ODAD2: variants seen among roughly 807,000 people sequenced by gnomAD.
ODAD2 encodes the protein outer dynein arm-docking complex subunit 2.
A neutral mutation model predicts 106.8 loss-of-function variants in ODAD2; 89 were observed. That is an observed-to-expected ratio of 0.83 (90% CI 0.70 to 0.99). ODAD2 has a LOEUF of 0.99. ODAD2 is among the 50% of genes least tolerant of loss of function. The pLI is 0.00. For synonymous variants in ODAD2, 404 were observed against 436.2 expected (o/e 0.93, Z 0.92); for missense variants, 1,168 against 1,238.5 (o/e 0.94, Z 0.85).
chr10:27,867,327 C>T (rs1183187092), intron 17 of ODAD2, among the ~76,000 whole-genome samples: 1 of 152,152 alleles, frequency 6.6e-6, no homozygotes, highest in Non-Finnish European at 1.5e-5. Flanking sequence ...GATAAGACTA[C>T]AATGCCACAA....
In ODAD2 at chr10:27,909,796, C is replaced by G. The variant is rs1020664781; in HGVS notation, c.2496-2019G>C. 8.6e-5 allele frequency among the ~76,000 whole-genome samples: 10 copies of G among 115,988 alleles called. No homozygotes were observed. In the East Asian group the frequency reaches 2.6e-3, roughly 30 times the overall value. 76.1% of individuals were successfully genotyped at this position (115,988 alleles called of 152,430 possible). ...TTGCACCACTGCACTCCAGCTTGGG[C>G]GACAAAGTGAGTCTTCATTTGAAAA... On this transcript the variant is annotated intron_variant, in intron 16 of 19. Coordinates refer to ENST00000305242, the MANE Select transcript of ODAD2 (RefSeq NM_018076.5).
chr10:27,919,344 C>T lies in ODAD2; in HGVS notation c.2496-11567G>A, dbSNP rs571599370. Among the ~76,000 whole-genome samples, 118 of 152,092 alleles carry T rather than the reference C, an allele frequency of 7.8e-4. 1 individual carries two copies. The highest frequency in any genetic ancestry group is 2.8e-3 in the African/African-American group (115 of 41,544). ...CCTTAAAGGACAACCGAAAAATTGA[C>T]CTTCCTCATATTAAAGGTTTCTGCT... On this transcript the variant is annotated intron_variant, in intron 16 of 19. Transcript: ENST00000305242.
At position 27,860,783 on chromosome 10, in the gene ODAD2, T is replaced by TC; in HGVS notation, c.2862dup (p.Asn955GlufsTer2). On this transcript the variant is annotated frameshift_variant, in exon 19 of 20. Coordinates refer to ENST00000305242, the MANE Select transcript of ODAD2 (RefSeq NM_018076.5). LOFTEE classifies it high-confidence loss of function. Reference sequence around the variant, plus strand: ...TTGTGCTCACCGAAGGCCACTCTATTCCTGCCCCACATACAGCAACGTGAA... The same window carrying TC: ...TTGTGCTCACCGAAGGCCACTCTATTCCCTGCCCCACATACAGCAACGTGAA... 1 of 1,614,170 alleles carries TC rather than the reference T, an allele frequency of 6.2e-7. No homozygotes were observed. Among genetic ancestry groups the TC allele is most frequent in the Non-Finnish European group, 8.5e-7 (1 of 1,180,018 alleles).
At chr10:27,858,928 C>T (rs912726918) in intron 19 of ODAD2, among the ~76,000 whole-genome samples, 7 of 151,820 alleles carry the variant, frequency 4.6e-5, no homozygotes, top group African/African-American at 9.7e-5. Flanking sequence ...CTCAGCCTCC[C>T]GAGTAGCTGG....
chr10:27,858,653 GC>G (rs56137930), intron 19 of ODAD2, among the ~76,000 whole-genome samples: 109,679 of 151,966 alleles, frequency 0.72, 40,219 homozygotes, highest in Non-Finnish European at 0.8. Flanking sequence ...GTGTGGGTGG[GC>G]CAAACACAGT....
intron 17 of ODAD2, among the ~76,000 whole-genome samples, chr10:27,876,398 G>C (rs1286984377): frequency 6.6e-6 from 1 of 152,218 alleles, no homozygotes; most frequent in Non-Finnish European, 1.5e-5. Context: ...AATATTCACT[G>C]TTCTGCAGCC....
chr10:27,968,104 G>A (rs1203834294), intron 9 of ODAD2, among the ~76,000 whole-genome samples: 1 of 151,584 alleles, frequency 6.6e-6, no homozygotes, highest in Non-Finnish European at 1.5e-5. Flanking sequence ...ATTTCAACAA[G>A]CTATATGAAC....
Position 27,971,093 on chromosome 10 carries a change from C to T in ODAD2, c.1142+15G>A, listed in dbSNP as rs374352757. 1.6e-5 allele frequency: 25 copies of T among 1,591,886 alleles called. No individual in the cohort carries two copies. In the Middle Eastern group the frequency reaches 5.0e-4, roughly 32 times the overall value. Reference sequence around the variant, plus strand: ...CTAATGCTGCATCTGAAAACAAATGCAAATATCTACATACCCTTTGTAATT... The same window carrying T: ...CTAATGCTGCATCTGAAAACAAATGTAAATATCTACATACCCTTTGTAATT... On this transcript the variant is annotated intron_variant, in intron 8 of 19. Transcript: ENST00000305242.
At chr10:27,953,772 T>C (rs1249738580) in intron 10 of ODAD2, among the ~76,000 whole-genome samples, 1 of 152,198 alleles carries the variant, frequency 6.6e-6, no homozygotes, top group Non-Finnish European at 1.5e-5. Flanking sequence ...TTTGCATGGC[T>C]TGAAGTTTCA....
At position 27,955,696 on chromosome 10, in the gene ODAD2, GGTGTGTGT is replaced by G. The variant is rs56731384; in HGVS notation, c.1386+5864_1386+5871del. Among the ~76,000 whole-genome samples the G allele has an allele frequency of 8.5e-3, 1,220 of 142,978 alleles. 9 individuals are homozygous for G. Among genetic ancestry groups the G allele is most frequent in the African/African-American group, 0.013 (476 of 37,978 alleles). The allele number at this position is 142,978 out of a possible 152,430, so 93.8% of individuals were successfully genotyped here. A position where few individuals can be genotyped will look rare whatever the true frequency, so the allele number is the denominator to read the frequency against. ...TCGAAAGAACTCTTTAACCAATTAA[GGTGTGTGT>G]GTGTGTGTGTGTGTGTGTGTGTGTG... On this transcript the variant is annotated intron_variant, in intron 10 of 19. Transcript: ENST00000305242.
At chr10:27,882,169 AAAAAAAAGAAAGAAAGAAAG>A (rs1201279819) in intron 17 of ODAD2, among the ~76,000 whole-genome samples, 4 of 88,262 alleles carry the variant, frequency 4.5e-5, no homozygotes, top group Non-Finnish European at 9.0e-5. Context: ...CCTTGTCATA[AAAAAAAAGAAAGAAAGAAAG>A]AAAGAAAGAA....
chr10:27,864,874 C>A (rs1840330287), intron 17 of ODAD2, among the ~76,000 whole-genome samples: 1 of 152,094 alleles, frequency 6.6e-6, no homozygotes, highest in Non-Finnish European at 1.5e-5. Context: ...TCAGTTAAAC[C>A]TCACAGGAAT....
At chr10:27,827,395 A>G (rs1341918158) in intron 19 of ODAD2, among the ~76,000 whole-genome samples, 1 of 148,060 alleles carries the variant, frequency 6.8e-6, no homozygotes, top group African/African-American at 2.5e-5. Context: ...ATATATATAT[A>G]TATATATATA....
chr10:27,991,300 T>G (rs1352080567), intron 2 of ODAD2, among the ~76,000 whole-genome samples: 2 of 151,668 alleles, frequency 1.3e-5, no homozygotes, highest in African/African-American at 2.4e-5. Flanking sequence ...ATGACAAATG[T>G]TATAACATGA....
chr10:27,831,914 G>C (rs1182967912), intron 19 of ODAD2, among the ~76,000 whole-genome samples: 4 of 152,218 alleles, frequency 2.6e-5, no homozygotes, highest in Non-Finnish European at 5.9e-5. Context: ...GTCTGTGAGG[G>C]CACCAGGACC....
chr10:27,904,645 G>A (rs1458499992), intron 17 of ODAD2, among the ~76,000 whole-genome samples: 3 of 152,176 alleles, frequency 2.0e-5, no homozygotes, highest in Non-Finnish European at 2.9e-5. Flanking sequence ...ATGCCACACT[G>A]TTCTAAATAC....
Position 27,987,771 on chromosome 10 carries a change from G to T in ODAD2, c.225-228C>A, listed in dbSNP as rs555085973. Among the ~76,000 whole-genome samples the T allele has an allele frequency of 3.3e-5, 5 of 150,848 alleles. No homozygotes were observed. In the East Asian group the frequency reaches 9.8e-4, roughly 29 times the overall value. On this transcript the variant is annotated intron_variant, in intron 2 of 19. Transcript: ENST00000305242. Reference sequence around the variant, plus strand: ...TGACCAATAGGATATAACCAAGGAAGAATTTTTTTTTTTTTTAGCAATTTC... The same window carrying T: ...TGACCAATAGGATATAACCAAGGAATAATTTTTTTTTTTTTTAGCAATTTC...
At chr10:27,855,901 G>T (rs1839619782) in intron 19 of ODAD2, among the ~76,000 whole-genome samples, 1 of 152,224 alleles carries the variant, frequency 6.6e-6, no homozygotes. Flanking sequence ...CACTTGCCTG[G>T]TATAGACATT....
At chr10:27,867,155 G>A (rs757468929) in intron 17 of ODAD2, among the ~76,000 whole-genome samples, 54 of 152,060 alleles carry the variant, frequency 3.6e-4, no homozygotes, top group Admixed American at 9.2e-4. Flanking sequence ...CAAAGCACAA[G>A]CAGACTTGGA....
Sources: allele counts gnomAD v4.1 joint callset (sites outside exome capture counted in the v4.1 genomes callset), GRCh38; gene constraint gnomAD v4.1.1; transcripts MANE v1.5; gene names NCBI Gene and HGNC (gene_info 2026-07-23, HGNC 2026-07-21).